AP2B1: variants seen among roughly 807,000 people sequenced by gnomAD.
AP2B1 encodes AP-2 complex subunit beta.
A neutral mutation model predicts 102.0 loss-of-function variants in AP2B1; 23 were observed. That is an observed-to-expected ratio of 0.23 (90% CI 0.16 to 0.32). The LOEUF is 0.32. AP2B1 is among the 10% of genes least tolerant of loss of function. The pLI is 1.00. For synonymous variants in AP2B1, 381 were observed against 421.2 expected (o/e 0.90, Z 1.17); for missense variants, 541 against 1,157.4 (o/e 0.47, Z 7.73).
At chr17:35,710,165 C>T in intron 19 of AP2B1, 69 bp from the exon 20 acceptor site, 1 of 1,111,030 alleles carries the variant, frequency 9.0e-7, no homozygotes, top group East Asian at 2.4e-5. Context: ...AAAAATGATG[C>T]AAGGCATCGA....
At chr17:35,716,843 C>T (rs2076560260) in intron 20 of AP2B1, among the ~76,000 whole-genome samples, 1 of 152,240 alleles carries the variant, frequency 6.6e-6, no homozygotes, top group Admixed American at 6.5e-5. Context: ...TACCCACACA[C>T]TTATTTCTGT....
At chr17:35,589,646 C>T (rs1399261162) in intron 1 of AP2B1, among the ~76,000 whole-genome samples, 2 of 152,152 alleles carry the variant, frequency 1.3e-5, no homozygotes, top group Admixed American at 1.3e-4. Context: ...TGGTCGAGGG[C>T]AAGTAAGAGT....
intron 17 of AP2B1, among the ~76,000 whole-genome samples, chr17:35,682,346 T>C (rs1467117425): frequency 7.1e-6 from 1 of 141,532 alleles, no homozygotes; most frequent in Non-Finnish European, 1.5e-5. Flanking sequence ...TTTTTTTTTT[T>C]TTTTTTTTTT....
chr17:35,588,570 A>G (rs2072978552), intron 1 of AP2B1: 1 of 152,246 alleles, frequency 6.6e-6, no homozygotes, highest in Non-Finnish European at 1.5e-5. Context: ...AGGTGGTCTC[A>G]ATGAGAATCA....
chr17:35,611,951 G>A (rs1426605520), intron 5 of AP2B1, among the ~76,000 whole-genome samples: 7 of 152,162 alleles, frequency 4.6e-5, no homozygotes, highest in South Asian at 2.1e-4. Flanking sequence ...AAATCAAAAC[G>A]TGACTTGGGG....
chr17:35,606,068 C>T (rs1280584549), intron 4 of AP2B1, among the ~76,000 whole-genome samples: 1 of 152,072 alleles, frequency 6.6e-6, no homozygotes, highest in East Asian at 1.9e-4. Context: ...CCTGGTGAAA[C>T]CCCACTGTTT....
intron 14 of AP2B1, among the ~76,000 whole-genome samples, chr17:35,666,515 C>T (rs986705493): frequency 2.6e-5 from 4 of 152,032 alleles, no homozygotes; most frequent in Non-Finnish European, 4.4e-5. Flanking sequence ...CTGAAGTTGC[C>T]GTCTTTCCCC....
At chr17:35,609,667 G>A (rs2073798755) in intron 5 of AP2B1, among the ~76,000 whole-genome samples, 1 of 151,982 alleles carries the variant, frequency 6.6e-6, no homozygotes, top group South Asian at 2.1e-4. Context: ...TGGAGATGGG[G>A]TCTTGCTATG....
chr17:35,610,780 G>A (rs1281605638), intron 5 of AP2B1, among the ~76,000 whole-genome samples: 7 of 151,904 alleles, frequency 4.6e-5, no homozygotes, highest in African/African-American at 7.3e-5. Context: ...GGTGGCAGGC[G>A]CCTATCGTCC....
chr17:35,686,686 C>G (rs943713336), intron 18 of AP2B1, among the ~76,000 whole-genome samples: 1 of 152,056 alleles, frequency 6.6e-6, no homozygotes, highest in Admixed American at 6.5e-5. Context: ...AAAAACTGGC[C>G]GGGCATGGTG....
intron 14 of AP2B1, among the ~76,000 whole-genome samples, chr17:35,668,606 T>A (rs1009802634): frequency 1.3e-5 from 2 of 152,180 alleles, no homozygotes; most frequent in Non-Finnish European, 2.9e-5. Flanking sequence ...GAAGGGGAAA[T>A]TAAAAAATTA....
chr17:35,632,683 A>G (rs538202291), intron 9 of AP2B1, among the ~76,000 whole-genome samples: 1 of 151,740 alleles, frequency 6.6e-6, no homozygotes, highest in East Asian at 1.9e-4. Flanking sequence ...AATCAAAAGC[A>G]GTATGGTTGA....
intron 18 of AP2B1, among the ~76,000 whole-genome samples, chr17:35,685,080 T>G (rs918319297): frequency 9.2e-5 from 14 of 152,226 alleles, no homozygotes; most frequent in Non-Finnish European, 2.1e-4. Context: ...CCTGATATTA[T>G]AAGAAGCAAA....
At chr17:35,638,068 G>A (rs1187365772) in intron 10 of AP2B1, among the ~76,000 whole-genome samples, 1 of 152,142 alleles carries the variant, frequency 6.6e-6, no homozygotes, top group African/African-American at 2.4e-5. Context: ...ACATACTCCT[G>A]GGCTTAAGTG....
At chr17:35,690,623 T>G (rs2076022188) in intron 18 of AP2B1, among the ~76,000 whole-genome samples, 1 of 152,172 alleles carries the variant, frequency 6.6e-6, no homozygotes, top group Non-Finnish European at 1.5e-5. Flanking sequence ...TCCTCTCGTT[T>G]TTAACACTCT....
At chr17:35,644,202 T>C (rs225274) in intron 12 of AP2B1, among the ~76,000 whole-genome samples, 131,690 of 152,206 alleles carry the variant, frequency 0.87, 57,310 homozygotes, top group East Asian at 0.97. Context: ...GTCTTGCCCA[T>C]GGTCTTGTCC....
intron 4 of AP2B1, among the ~76,000 whole-genome samples, chr17:35,606,041 A>G (rs1490422515): frequency 6.6e-6 from 1 of 152,198 alleles, no homozygotes; most frequent in Non-Finnish European, 1.5e-5. Context: ...CATCCTTGCC[A>G]GATGGGTAGA....
At chr17:35,624,878 T>A (rs1330435939) in intron 6 of AP2B1, among the ~76,000 whole-genome samples, 2 of 152,256 alleles carry the variant, frequency 1.3e-5, no homozygotes, top group Non-Finnish European at 2.9e-5. Flanking sequence ...CAAAGATTAT[T>A]GAGTATCTCT....
chr17:35,694,547 C>T (rs2076104037), intron 18 of AP2B1, among the ~76,000 whole-genome samples: 1 of 151,890 alleles, frequency 6.6e-6, no homozygotes, highest in African/African-American at 2.4e-5. Flanking sequence ...AGGCATGAGC[C>T]ACCGCACCCA....
Sources: gnomAD v4.1 joint callset for allele counts (sites outside exome capture counted in the v4.1 genomes callset) on GRCh38, gnomAD v4.1.1 for gene constraint, MANE v1.5 for transcripts, NCBI Gene and HGNC (gene_info 2026-07-23, HGNC 2026-07-21) for gene names.